Variants in NAALADL2 observed in about 807,000 individuals in gnomAD.
The protein encoded by NAALADL2 is N-acetylated alpha-linked acidic dipeptidase like 2.
Under a neutral mutation model 87.2 loss-of-function variants are expected in NAALADL2, and 76 were observed. The observed-to-expected ratio is 0.87, with a 90% CI of 0.72 to 1.05. The LOEUF is 1.05. Ranked by LOEUF, NAALADL2 falls within the 50% of genes least tolerant of loss-of-function variation. The pLI, the probability that NAALADL2 is intolerant of heterozygous loss-of-function variation, is 0.00. For missense variants in NAALADL2, 1,089 were observed against 945.8 expected, an observed-to-expected ratio of 1.15 and a Z score of -1.99; for synonymous variants, 354 against 331.0, an observed-to-expected ratio of 1.07 and a Z score of -0.75.
intron 2 of NAALADL2, among the ~76,000 whole-genome samples, chr3:175,231,423 G>C (rs1277016316): frequency 6.6e-6 from 1 of 151,976 alleles, no homozygotes; most frequent in Admixed American, 6.6e-5. Flanking sequence ...TAAATTAAAA[G>C]TGAAGTAAAG....
chr3:175,045,357 T>G (rs4345075), intron 1 of NAALADL2, among the ~76,000 whole-genome samples: 63,641 of 152,030 alleles, frequency 0.42, 15,570 homozygotes, highest in African/African-American at 0.68. Flanking sequence ...AATTTCTGTT[T>G]TATCTCTGGG....
intron 1 of NAALADL2, among the ~76,000 whole-genome samples, chr3:175,046,527 T>G (rs753545276): frequency 2.0e-5 from 3 of 152,194 alleles, no homozygotes; most frequent in Non-Finnish European, 4.4e-5. Context: ...GCCCTCTCCA[T>G]GAGAGAACTG....
At chr3:175,688,320 T>G (rs147293892) in intron 11 of NAALADL2, among the ~76,000 whole-genome samples, 1 of 152,274 alleles carries the variant, frequency 6.6e-6, no homozygotes, top group Non-Finnish European at 1.5e-5. Flanking sequence ...TTTACACAGC[T>G]AACTGTCTTT....
intron 5 of NAALADL2, among the ~76,000 whole-genome samples, chr3:175,324,606 G>C (rs1560362772): frequency 6.6e-6 from 1 of 152,158 alleles, no homozygotes; most frequent in Admixed American, 6.5e-5. Flanking sequence ...TGACTGATAA[G>C]ACAAATTAAC....
At chr3:175,513,602 G>A (rs557830514) in intron 9 of NAALADL2, among the ~76,000 whole-genome samples, 39 of 152,224 alleles carry the variant, frequency 2.6e-4, no homozygotes, top group African/African-American at 8.9e-4. Context: ...TAAAAAACAA[G>A]CTTTTACATT....
rs916356344 is a variant in NAALADL2 at position 174,716,683 on chromosome 3, ATC to A, written c.-114-20954_-114-20953del. ...CCTGTCTCAGTTCCATGTGATTATA[ATC>A]TCTGTGTGTACAGGCTGGACATGTG... On this transcript the variant is annotated intron_variant, in intron 2 of 3. Coordinates refer to the NAALADL2 transcript ENST00000434257. Among the ~76,000 whole-genome samples, 96 of 152,098 alleles carry A rather than the reference ATC, an allele frequency of 6.3e-4. 1 individual carries two copies. The highest frequency in any genetic ancestry group is 2.2e-3 in the African/African-American group (92 of 41,514).
chr3:174,751,341 T>C (rs1734797249), intron 3 of NAALADL2, among the ~76,000 whole-genome samples: 1 of 152,102 alleles, frequency 6.6e-6, no homozygotes, highest in South Asian at 2.1e-4. Flanking sequence ...CTATTAATAT[T>C]ATAAAAGTAT....
At chr3:175,148,727 A>T (rs1243849957) in intron 2 of NAALADL2, among the ~76,000 whole-genome samples, 3 of 151,926 alleles carry the variant, frequency 2.0e-5, no homozygotes, top group Admixed American at 2.0e-4. Context: ...TATTTTATTG[A>T]CTCTGTCAAA....
chr3:175,169,222 G>C (rs1281592352), intron 2 of NAALADL2, among the ~76,000 whole-genome samples: 1 of 151,444 alleles, frequency 6.6e-6, no homozygotes, highest in African/African-American at 2.4e-5. Context: ...ATCTTTTTGT[G>C]GTTTTTGTCA....
At chr3:175,544,347 A>G (rs1361920210) in intron 9 of NAALADL2, among the ~76,000 whole-genome samples, 1 of 152,208 alleles carries the variant, frequency 6.6e-6, no homozygotes, top group African/African-American at 2.4e-5. Flanking sequence ...ATTGGCTTAC[A>G]GCTTTACCTT....
At chr3:174,505,202 C>G (rs1719126766) in intron 1 of NAALADL2, among the ~76,000 whole-genome samples, 1 of 152,066 alleles carries the variant, frequency 6.6e-6, no homozygotes, top group African/African-American at 2.4e-5. Flanking sequence ...ACCACTATCT[C>G]CATAATCTCT....
At chr3:174,751,822 T>C (rs1734851052) in intron 3 of NAALADL2, among the ~76,000 whole-genome samples, 1 of 152,060 alleles carries the variant, frequency 6.6e-6, no homozygotes, top group East Asian at 1.9e-4. Flanking sequence ...TCCTATGCTA[T>C]TCATAAGTGA....
intron 2 of NAALADL2, among the ~76,000 whole-genome samples, chr3:174,725,871 A>C (rs1447782): frequency 0.14 from 21,844 of 152,186 alleles, 1,846 homozygotes; most frequent in African/African-American, 0.22. Context: ...GGAATGACCA[A>C]CTTGTTTTTA....
At chr3:174,990,522 G>C (rs777495757) in intron 1 of NAALADL2, among the ~76,000 whole-genome samples, 1 of 151,944 alleles carries the variant, frequency 6.6e-6, no homozygotes. Context: ...TGAAGTGAGG[G>C]ATTGATTTTT....
intron 5 of NAALADL2, among the ~76,000 whole-genome samples, chr3:175,446,269 C>G (rs1720679008): frequency 6.6e-6 from 1 of 151,622 alleles, no homozygotes; most frequent in Admixed American, 6.6e-5. Context: ...GGGACTGTGT[C>G]TCACTCTGTC....
At chr3:175,767,481 T>G (rs1748872411) in intron 13 of NAALADL2, 2 of 152,120 alleles carry the variant, frequency 1.3e-5, no homozygotes, top group Admixed American at 1.3e-4. Flanking sequence ...ATCTAGATAT[T>G]CAAATTAGGA....
intron 10 of NAALADL2, among the ~76,000 whole-genome samples, chr3:175,622,824 T>C (rs1726415892): frequency 6.6e-6 from 1 of 152,004 alleles, no homozygotes; most frequent in Non-Finnish European, 1.5e-5. Flanking sequence ...CTTAAAACAC[T>C]CAGTAAATTT....
At chr3:175,299,214 C>A (rs142160374) in intron 4 of NAALADL2, among the ~76,000 whole-genome samples, 1 of 151,988 alleles carries the variant, frequency 6.6e-6, no homozygotes, top group African/African-American at 2.4e-5. Flanking sequence ...ATGCCTCCAG[C>A]TTTGTTCTTT....
chr3:174,806,286 T>C (rs1330051686), intron 3 of NAALADL2, among the ~76,000 whole-genome samples: 2 of 152,148 alleles, frequency 1.3e-5, no homozygotes, highest in African/African-American at 2.4e-5. Flanking sequence ...GTCCCAATTA[T>C]TGCCTCAGCC....
Sources: gnomAD v4.1 joint callset for allele counts (sites outside exome capture counted in the v4.1 genomes callset) on GRCh38, gnomAD v4.1.1 for gene constraint, MANE v1.5 for transcripts, NCBI Gene and HGNC (gene_info 2026-07-23, HGNC 2026-07-21) for gene names.